Variants in LINC00237 observed in about 807,000 individuals in gnomAD.
LINC00237 encodes the protein long independently transcribed non-coding RNA 237, also known as long intergenic non-protein coding RNA 237.
intron 1 of LINC00237, among the ~76,000 whole-genome samples, chr20:21,103,600 T>C (rs1420128801): frequency 6.6e-6 from 1 of 152,148 alleles, no homozygotes; most frequent in Non-Finnish European, 1.5e-5. Flanking sequence ...CAAATAACAG[T>C]GTCTGTGAGG....
intron 1 of LINC00237, among the ~76,000 whole-genome samples, chr20:21,102,612 C>T (rs2030946212): frequency 6.6e-6 from 1 of 151,626 alleles, no homozygotes; most frequent in South Asian, 2.1e-4. Context: ...CGCACAGAAT[C>T]GCCAAAGCCC....
intron 1 of LINC00237, among the ~76,000 whole-genome samples, chr20:21,100,774 C>A (rs957736440): frequency 9.2e-5 from 14 of 152,126 alleles, no homozygotes; most frequent in African/African-American, 3.4e-4. Flanking sequence ...GTGGCTTAAA[C>A]GCCGGGCGGT....
At chr20:21,100,451 C>A (rs1444036110) in intron 1 of LINC00237, among the ~76,000 whole-genome samples, 2 of 152,260 alleles carry the variant, frequency 1.3e-5, no homozygotes, top group Admixed American at 6.5e-5. Flanking sequence ...CAAACTGCAT[C>A]GCTAGGGGCC....
chr20:21,097,552 A>G (rs2030876820), intron 1 of LINC00237, among the ~76,000 whole-genome samples: 1 of 152,200 alleles, frequency 6.6e-6, no homozygotes, highest in Non-Finnish European at 1.5e-5. Flanking sequence ...TTTTCCCAAG[A>G]TATAAGGTGT....
At chr20:21,087,197 A>C (rs1275978723) in intron 3 of LINC00237, among the ~76,000 whole-genome samples, 1 of 151,662 alleles carries the variant, frequency 6.6e-6, no homozygotes, top group Non-Finnish European at 1.5e-5. Context: ...TAAAAATTTG[A>C]CATCATTCTC....
chr20:21,094,648 A>G (rs553153132), intron 1 of LINC00237, among the ~76,000 whole-genome samples: 2 of 152,316 alleles, frequency 1.3e-5, no homozygotes, highest in East Asian at 3.9e-4. Context: ...TCTTCCCATC[A>G]ATAGGAAGAG....
chr20:21,086,867 A>G (rs1409034658), intron 3 of LINC00237, among the ~76,000 whole-genome samples: 78 of 132,198 alleles, frequency 5.9e-4, no homozygotes, highest in Middle Eastern at 5.2e-3. Context: ...ATATGTATAT[A>G]GTATACACTA....
intron 1 of LINC00237, among the ~76,000 whole-genome samples, chr20:21,100,058 A>C (rs1251144040): frequency 2.0e-5 from 3 of 152,226 alleles, no homozygotes; most frequent in Non-Finnish European, 2.9e-5. Flanking sequence ...CCCCGCCCGC[A>C]GTGAAAGCGA....
intron 1 of LINC00237, among the ~76,000 whole-genome samples, chr20:21,094,665 C>T (rs2030832952): frequency 6.6e-6 from 1 of 152,170 alleles, no homozygotes; most frequent in Admixed American, 6.5e-5. Context: ...AGAGTGGCGG[C>T]TCACACCGTA....
intron 1 of LINC00237, among the ~76,000 whole-genome samples, chr20:21,102,388 C>T (rs1038723128): frequency 6.6e-6 from 1 of 152,212 alleles, no homozygotes; most frequent in Non-Finnish European, 1.5e-5. Flanking sequence ...ACCCCCTGCT[C>T]CCTGGCTCCT....
At chr20:21,100,937 G>T (rs2030922716) in intron 1 of LINC00237, among the ~76,000 whole-genome samples, 1 of 152,166 alleles carries the variant, frequency 6.6e-6, no homozygotes, top group Non-Finnish European at 1.5e-5. Context: ...TAGCGGCCCC[G>T]GCGCAGCCAC....
At chr20:21,086,639 A>ATATG (rs1393533476) in intron 3 of LINC00237, among the ~76,000 whole-genome samples, 3,141 of 119,622 alleles carry the variant, frequency 0.026, 159 homozygotes, top group African/African-American at 0.098. Flanking sequence ...AGTATACTAT[A>ATATG]TATAGTATAC....
intron 3 of LINC00237, among the ~76,000 whole-genome samples, chr20:21,086,648 AC>A (rs2030703410): frequency 7.6e-6 from 1 of 131,762 alleles, no homozygotes; most frequent in South Asian, 2.2e-4. Flanking sequence ...TATATAGTAT[AC>A]TATATATGTA....
At chr20:21,098,281 C>G (rs2030885952) in intron 1 of LINC00237, among the ~76,000 whole-genome samples, 1 of 152,076 alleles carries the variant, frequency 6.6e-6, no homozygotes, top group African/African-American at 2.4e-5. Flanking sequence ...AGGATGCAGA[C>G]AGAGACCCCC....
intron 1 of LINC00237, among the ~76,000 whole-genome samples, chr20:21,102,268 C>T (rs1010101193): frequency 7.9e-5 from 12 of 152,236 alleles, no homozygotes; most frequent in Non-Finnish European, 1.3e-4. Flanking sequence ...GCACCGACTC[C>T]TTACCCAGAA....
At chr20:21,091,663 A>G (rs2030794860) in intron 2 of LINC00237, among the ~76,000 whole-genome samples, 1 of 152,216 alleles carries the variant, frequency 6.6e-6, no homozygotes, top group South Asian at 2.1e-4. Context: ...CCAAATACTA[A>G]AAAGGGGTCC....
At chr20:21,092,607 T>C (rs771816428) in intron 2 of LINC00237, among the ~76,000 whole-genome samples, 11 of 152,176 alleles carry the variant, frequency 7.2e-5, no homozygotes, top group Non-Finnish European at 1.5e-5. Flanking sequence ...TCTTTATGAA[T>C]CCCTCAAATT....
intron 2 of LINC00237, chr20:21,090,580 C>G (rs1012864800): frequency 6.6e-6 from 1 of 152,140 alleles, no homozygotes; most frequent in Non-Finnish European, 1.5e-5. Flanking sequence ...TGCAAAATAG[C>G]TTGGACTTCA....
intron 1 of LINC00237, among the ~76,000 whole-genome samples, chr20:21,103,871 G>C (rs748650128): frequency 3.3e-4 from 50 of 152,164 alleles, no homozygotes; most frequent in Non-Finnish European, 5.0e-4. Context: ...GTGGACGGGG[G>C]TATAAGACTA....
Sources: allele counts gnomAD v4.1 joint callset (sites outside exome capture counted in the v4.1 genomes callset), GRCh38; gene constraint gnomAD v4.1.1; transcripts MANE v1.5; gene names NCBI Gene and HGNC (gene_info 2026-07-23, HGNC 2026-07-21).